Variants in LNX2 observed in about 807,000 individuals in gnomAD.
LNX2 encodes ligand of numb-protein X 2.
In LNX2, 35 loss-of-function variants were observed where a neutral mutation model predicts 66.2. The ratio of observed to expected loss-of-function variants is 0.53; its 90% CI spans 0.40 to 0.70. The LOEUF (loss-of-function observed/expected upper bound fraction) is 0.70, where lower values mean the gene tolerates loss of function less well. Ranked by LOEUF, LNX2 falls within the 30% of genes least tolerant of loss-of-function variation. LNX2 has a pLI of 0.00. For synonymous variants in LNX2, 337 were observed against 315.6 expected (o/e 1.07, Z -0.72); for missense variants, 791 against 850.8 (o/e 0.93, Z 0.87).
chr13:27,553,211 G>A lies in LNX2; in HGVS notation c.1775C>T (p.Pro592Leu). ...GCAACAAGAAAGCGCTCAGTACCTG[G>A]GAAGCCCAAGCCACATGACCCATGA... The part of the protein sequence containing the change: ...SPSWVMWLGL[P>L]STLHSCHDIV... The change falls in exon 8 of 10, where the codon CCC becomes CTC. Residue 592 changes from proline to leucine, a missense_variant. Pro to Leu is a moderately conservative substitution (Grantham distance 98). Transcript: ENST00000316334. 1 of 1,613,782 alleles carries A rather than the reference G, an allele frequency of 6.2e-7. No individual in the cohort carries two copies. Among genetic ancestry groups the A allele is most frequent in the Non-Finnish European group, 8.5e-7 (1 of 1,179,770 alleles).
At chr13:27,558,597 T>C (rs1324965653) in intron 6 of LNX2, among the ~76,000 whole-genome samples, 1 of 152,086 alleles carries the variant, frequency 6.6e-6, no homozygotes, top group Non-Finnish European at 1.5e-5. Flanking sequence ...ATATTATAGT[T>C]TTATATGTAT....
At chr13:27,564,782 C>G (rs1458788769) in intron 4 of LNX2, among the ~76,000 whole-genome samples, 3 of 152,124 alleles carry the variant, frequency 2.0e-5, no homozygotes, top group Admixed American at 6.6e-5. Flanking sequence ...AATTGGCTCA[C>G]TGTGTTATAT....
chr13:27,553,106 C>T lies in LNX2; in HGVS notation c.1778+102G>A, dbSNP rs540168953. The T allele has an allele frequency of 4.7e-6, 4 of 853,184 alleles. No homozygotes were observed. The East Asian group carries it at 8.8e-5, about 19-fold the overall frequency. 52.9% of individuals were successfully genotyped at this position (853,184 alleles called of 1,614,324 possible). On this transcript the variant is annotated intron_variant, in intron 8 of 9. Coordinates refer to ENST00000316334, the MANE Select transcript of LNX2 (RefSeq NM_153371.4). ...ATGTTGCTATTTTACTGAATTAAAGCTTTTTTTTTTATCCCAACGAGTAAA... is the reference window on the plus strand; with the variant it reads ...ATGTTGCTATTTTACTGAATTAAAGTTTTTTTTTTTATCCCAACGAGTAAA...
At chr13:27,572,814 T>C (rs946077530) in intron 2 of LNX2, among the ~76,000 whole-genome samples, 2 of 152,044 alleles carry the variant, frequency 1.3e-5, no homozygotes, top group South Asian at 4.1e-4. Context: ...AGAAACAAAA[T>C]AAAACAATGC....
At chr13:27,570,843 G>T (rs1308192766) in intron 2 of LNX2, among the ~76,000 whole-genome samples, 7 of 152,032 alleles carry the variant, frequency 4.6e-5, no homozygotes, top group African/African-American at 1.7e-4. Context: ...AACTTAAGAA[G>T]AAATACAGAC....
intron 1 of LNX2, among the ~76,000 whole-genome samples, chr13:27,591,924 A>T (rs966332037): frequency 6.6e-6 from 1 of 152,244 alleles, no homozygotes; most frequent in Non-Finnish European, 1.5e-5. Flanking sequence ...CTAGAAAGCC[A>T]TGCAGGTATC....
intron 1 of LNX2, among the ~76,000 whole-genome samples, chr13:27,588,021 C>CCAAAAAAAAAA (rs1955509486): frequency 3.2e-4 from 30 of 93,514 alleles, no homozygotes; most frequent in African/African-American, 1.1e-3. Flanking sequence ...ACTCTTGTCA[C>CCAAAAAAAAAA]AAAAAAAAAA....
intron 1 of LNX2, among the ~76,000 whole-genome samples, chr13:27,586,686 G>A (rs1955490680): frequency 6.6e-6 from 1 of 152,206 alleles, no homozygotes; most frequent in African/African-American, 2.4e-5. Flanking sequence ...TGTGAGCAGT[G>A]TGAAATACTA....
Position 27,609,149 on chromosome 13 carries a change from T to C in LNX2, c.-101+11226A>G, listed in dbSNP as rs559758826. ...AAAAGGTTCAAATAACCAACAGTGA[T>C]TTTTTTTTTCTTTTTTTTTAAGAGA... On this transcript the variant is annotated intron_variant, in intron 1 of 9. Transcript: ENST00000316334. 7.3e-3 allele frequency among the ~76,000 whole-genome samples: 432 copies of C among 58,806 alleles called. 2 individuals carry two copies. The highest frequency in any genetic ancestry group is 0.019 in the African/African-American group (415 of 21,476). 38.6% of individuals were successfully genotyped at this position (58,806 alleles called of 152,430 possible).
intron 1 of LNX2, among the ~76,000 whole-genome samples, chr13:27,606,952 T>C (rs1346324615): frequency 1.3e-5 from 2 of 152,212 alleles, no homozygotes; most frequent in African/African-American, 4.8e-5. Flanking sequence ...AAAAATGAAG[T>C]TGCATGCCCA....
chr13:27,586,126 T>TAC (rs1211312737), intron 1 of LNX2, among the ~76,000 whole-genome samples: 16 of 150,420 alleles, frequency 1.1e-4, no homozygotes, highest in Admixed American at 7.3e-4. Context: ...CGTATATATA[T>TAC]ACACACATAC....
intron 5 of LNX2, among the ~76,000 whole-genome samples, chr13:27,560,586 G>GTATATATATATATATATATATATATAT (rs1955123075): frequency 1.5e-5 from 1 of 64,958 alleles, no homozygotes; most frequent in African/African-American, 9.4e-5. Context: ...TATATATATA[G>GTATATATATATATATATATATATATAT]CATACTTGTG....
rs1954948860 is a variant in LNX2 at position 27,547,129 on chromosome 13, T to C, written c.*1206A>G. On this transcript the variant is annotated 3_prime_UTR_variant, in exon 10 of 10. Transcript: ENST00000316334. Reference sequence around the variant, plus strand: ...CTCCCTTTCTCCTACTTAGCTGTGATATATAGGTATTTAATAATATGGTTT... The same window carrying C: ...CTCCCTTTCTCCTACTTAGCTGTGACATATAGGTATTTAATAATATGGTTT... 1 of 152,222 alleles carries C rather than the reference T, an allele frequency of 6.6e-6. No homozygotes were observed. The highest frequency in any genetic ancestry group is 1.5e-5 in the Non-Finnish European group (1 of 68,028). The allele number at this position is 152,222 out of a possible 1,614,324, so 9.4% of individuals were successfully genotyped here. A position where few individuals can be genotyped will look rare whatever the true frequency, so the allele number is the denominator to read the frequency against.
intron 1 of LNX2, among the ~76,000 whole-genome samples, chr13:27,612,607 T>C (rs1370961869): frequency 6.6e-6 from 1 of 152,216 alleles, no homozygotes; most frequent in African/African-American, 2.4e-5. Context: ...AATGAATTAT[T>C]ATCATTTTGA....
chr13:27,571,718 A>G (rs1018098561), intron 2 of LNX2, among the ~76,000 whole-genome samples: 1 of 152,220 alleles, frequency 6.6e-6, no homozygotes, highest in Non-Finnish European at 1.5e-5. Flanking sequence ...ATATTTTAAA[A>G]AAAGTATTAG....
intron 1 of LNX2, among the ~76,000 whole-genome samples, chr13:27,616,837 G>C (rs903373119): frequency 2.0e-5 from 3 of 152,158 alleles, no homozygotes; most frequent in African/African-American, 7.2e-5. Context: ...GAAACCTCTA[G>C]CTCCCGGGTT....
chr13:27,563,014 C>T (rs115678804), intron 4 of LNX2, among the ~76,000 whole-genome samples: 4,016 of 151,598 alleles, frequency 0.026, 212 homozygotes, highest in African/African-American at 0.093. Context: ...GCTAGGATCA[C>T]GGGCTTTAAT....
chr13:27,563,116 G>A (rs1373920838), intron 4 of LNX2, among the ~76,000 whole-genome samples: 1 of 152,114 alleles, frequency 6.6e-6, no homozygotes, highest in Non-Finnish European at 1.5e-5. Context: ...CTCCTCATCT[G>A]TAAAATGTGT....
chr13:27,549,173 A>G (rs1009666847), intron 9 of LNX2, among the ~76,000 whole-genome samples: 3 of 151,968 alleles, frequency 2.0e-5, no homozygotes, highest in Admixed American at 6.6e-5. Context: ...ATTTTTTTTC[A>G]TCTTTATCAA....
Sources: gnomAD v4.1 joint callset for allele counts (sites outside exome capture counted in the v4.1 genomes callset) on GRCh38, gnomAD v4.1.1 for gene constraint, MANE v1.5 for transcripts, NCBI Gene and HGNC (gene_info 2026-07-23, HGNC 2026-07-21) for gene names.